Variants in TADA2A observed in about 807,000 individuals in gnomAD.
TADA2A encodes transcriptional adaptor 2A.
TADA2A carries 38 observed loss-of-function variants against 67.4 expected under a neutral mutation model. The observed-to-expected ratio is 0.56, with a 90% CI of 0.44 to 0.74. TADA2A has a LOEUF of 0.74. TADA2A is among the 30% of genes least tolerant of loss of function. The pLI is 0.00. For synonymous variants in TADA2A, 192 were observed against 181.6 expected (o/e 1.06, Z -0.46); for missense variants, 454 against 547.0 (o/e 0.83, Z 1.70).
chr17:37,472,328 A>G (rs1486736966), intron 14 of TADA2A, among the ~76,000 whole-genome samples: 1 of 151,168 alleles, frequency 6.6e-6, no homozygotes, highest in African/African-American at 2.4e-5. Flanking sequence ...GGCCTCCCAA[A>G]GTGCTGGGAT....
intron 2 of TADA2A, among the ~76,000 whole-genome samples, chr17:37,416,702 T>C (rs2052059311): frequency 6.6e-6 from 1 of 151,824 alleles, no homozygotes; most frequent in African/African-American, 2.4e-5. Flanking sequence ...CCATCTCTAC[T>C]GAAAATACAA....
intron 4 of TADA2A, among the ~76,000 whole-genome samples, chr17:37,428,912 G>C (rs1027941740): frequency 2.0e-5 from 3 of 151,886 alleles, no homozygotes; most frequent in South Asian, 2.1e-4. Flanking sequence ...CAGGTGTGGT[G>C]GTGGGCGCCT....
chr17:37,423,752 CTTTT>C (rs10706906), intron 3 of TADA2A, 137 bp downstream of exon 3: 302 of 480,066 alleles, frequency 6.3e-4, no homozygotes, highest in South Asian at 1.5e-3. Flanking sequence ...CTTTTTCTTT[CTTTT>C]TTTTTTTTTT....
chr17:37,476,024 G>A (rs1401104094), intron 15 of TADA2A, among the ~76,000 whole-genome samples: 2 of 152,184 alleles, frequency 1.3e-5, no homozygotes, highest in Non-Finnish European at 2.9e-5. Flanking sequence ...AGATAATAAG[G>A]AAGGGTCATA....
intron 8 of TADA2A, among the ~76,000 whole-genome samples, chr17:37,446,255 C>T (rs745828331): frequency 6.6e-6 from 1 of 152,000 alleles, no homozygotes; most frequent in African/African-American, 2.4e-5. Flanking sequence ...TTCAGTCTTC[C>T]GTGTCAGTCT....
chr17:37,455,364 T>TTTTGTTTG (rs200179922), intron 8 of TADA2A, among the ~76,000 whole-genome samples: 1 of 83,620 alleles, frequency 1.2e-5, no homozygotes, highest in Non-Finnish European at 2.6e-5. Flanking sequence ...AAGTTTGTTT[T>TTTTGTTTG]TTTGTTTGTT....
chr17:37,414,541 TG>T (rs929559270), intron 2 of TADA2A, among the ~76,000 whole-genome samples: 2 of 152,220 alleles, frequency 1.3e-5, no homozygotes, highest in Admixed American at 1.3e-4. Flanking sequence ...TTGGCCCTTT[TG>T]GCTGACAGAA....
chr17:37,467,292 G>C (rs1239648653), intron 11 of TADA2A, among the ~76,000 whole-genome samples, 162 bp from the exon 12 acceptor site: 1 of 152,184 alleles, frequency 6.6e-6, no homozygotes, highest in Non-Finnish European at 1.5e-5. Context: ...CTCAGCTCTT[G>C]GGTAAAATTT....
chr17:37,453,925 C>T (rs556592607), intron 8 of TADA2A, among the ~76,000 whole-genome samples: 1 of 151,840 alleles, frequency 6.6e-6, no homozygotes, highest in Non-Finnish European at 1.5e-5. Flanking sequence ...TGTCCGCTAC[C>T]ACACCCAGCT....
chr17:37,434,641 A>G (rs1346674645), intron 4 of TADA2A, among the ~76,000 whole-genome samples: 1 of 152,198 alleles, frequency 6.6e-6, no homozygotes, highest in Non-Finnish European at 1.5e-5. Context: ...TTCACCAAGG[A>G]TTGCAAAACA....
At chr17:37,445,745 A>G (rs553903295) in intron 8 of TADA2A, among the ~76,000 whole-genome samples, 1 of 150,658 alleles carries the variant, frequency 6.6e-6, no homozygotes, top group Non-Finnish European at 1.5e-5. Context: ...ATACTACATA[A>G]TAATACCCAA....
chr17:37,473,858 G>A (rs774359163), intron 14 of TADA2A, among the ~76,000 whole-genome samples: 5 of 152,210 alleles, frequency 3.3e-5, no homozygotes, highest in Admixed American at 2.0e-4. Flanking sequence ...AAAAAGAAGG[G>A]CCTTTTGCTG....
intron 3 of TADA2A, 113 bp downstream of exon 3, chr17:37,423,728 T>A: frequency 1.3e-6 from 1 of 757,942 alleles, no homozygotes; most frequent in Non-Finnish European, 2.0e-6. Flanking sequence ...TTAAATCTAT[T>A]CCTTCCAATT....
chr17:37,466,363 T>C (rs949711509), intron 11 of TADA2A, among the ~76,000 whole-genome samples: 8 of 152,154 alleles, frequency 5.3e-5, no homozygotes, highest in African/African-American at 1.9e-4. Flanking sequence ...GAGGTTGCGG[T>C]GAGCTGAGAT....
In TADA2A at chr17:37,406,933, TA is replaced by T. The variant is rs1201031756; in HGVS notation, c.-113del. 1.1e-5 allele frequency: 1 copy of T among 92,812 alleles called. No homozygotes were observed. Among genetic ancestry groups the T allele is most frequent in the African/African-American group, 4.1e-5 (1 of 24,596 alleles). The allele number at this position is 92,812 out of a possible 1,614,324, so 5.7% of individuals were successfully genotyped here. On this transcript the variant is annotated 5_prime_UTR_variant, in exon 1 of 16. Transcript: ENST00000615182. ...CGACCGGCGGCTCTTTGGCGCGGAT[TA>T]GGGGGTCTCGGCGAGGTGAGGCGCC...
chr17:37,418,315 G>A (rs1262748735), intron 2 of TADA2A, among the ~76,000 whole-genome samples: 1 of 152,184 alleles, frequency 6.6e-6, no homozygotes, highest in Admixed American at 6.5e-5. Context: ...TTATTAGAAT[G>A]TATTGAGCAT....
At chr17:37,458,016 C>T (rs2053442718) in intron 8 of TADA2A, among the ~76,000 whole-genome samples, 1 of 152,138 alleles carries the variant, frequency 6.6e-6, no homozygotes, top group East Asian at 1.9e-4. Context: ...CCGATTATTG[C>T]ATCATCCAGG....
rs1335331043 is a variant in TADA2A at position 37,474,646 on chromosome 17, G to A, written c.1146+17G>A. On this transcript the variant is annotated intron_variant, in intron 15 of 15. Coordinates refer to ENST00000615182, the MANE Select transcript of TADA2A (RefSeq NM_001166105.3). Reference sequence around the variant, plus strand: ...GAAAAGGAGGTAACAAAAGGGAGGGGGCTGGGAGAAAGAGAATAGGGGCTG... The same window carrying A: ...GAAAAGGAGGTAACAAAAGGGAGGGAGCTGGGAGAAAGAGAATAGGGGCTG... The A allele has an allele frequency of 6.2e-7, 1 of 1,605,092 alleles. No individual in the cohort carries two copies. Among genetic ancestry groups the A allele is most frequent in the Admixed American group, 1.7e-5 (1 of 59,052 alleles).
rs35878460 is a variant in TADA2A at position 37,478,117 on chromosome 17, C to CA, written c.*1148dup. ...TGGGCAACAAAGTGAGACTCTGTCT[C>CA]AAAAAAAAAAAAACAAAAAAAAACC... is the stretch of plus-strand genomic sequence containing the variant. On this transcript the variant is annotated 3_prime_UTR_variant, in exon 16 of 16. Coordinates refer to ENST00000615182, the MANE Select transcript of TADA2A (RefSeq NM_001166105.3). 0.52 allele frequency: 66,862 copies of CA among 128,238 alleles called. 16,010 individuals are homozygous for CA. The highest frequency in any genetic ancestry group is 0.79 in the East Asian group (3,707 of 4,712). 7.9% of individuals were successfully genotyped at this position (128,238 alleles called of 1,614,324 possible).
Sources: gnomAD v4.1 joint callset for allele counts (sites outside exome capture counted in the v4.1 genomes callset) on GRCh38, gnomAD v4.1.1 for gene constraint, MANE v1.5 for transcripts, NCBI Gene and HGNC (gene_info 2026-07-23, HGNC 2026-07-21) for gene names.